REV3L: variants seen among roughly 807,000 people sequenced by gnomAD.
The protein encoded by REV3L is REV3 like, DNA directed polymerase zeta catalytic subunit, also known as DNA polymerase zeta catalytic subunit.
REV3L carries 69 observed loss-of-function variants against 299.4 expected under a neutral mutation model. The observed-to-expected ratio is 0.23, with a 90% CI of 0.19 to 0.28. REV3L has a LOEUF of 0.28. Among genes scored for constraint, REV3L ranks in the 10% least tolerant of loss-of-function variants. REV3L has a pLI of 1.00. For missense variants in REV3L, 3,128 were observed against 3,693.8 expected, an observed-to-expected ratio of 0.85 and a Z score of 3.97; for synonymous variants, 1,238 against 1,271.4, an observed-to-expected ratio of 0.97 and a Z score of 0.56.
At chr6:111,369,230 C>T (rs894262287) in intron 13 of REV3L, among the ~76,000 whole-genome samples, 3 of 143,380 alleles carry the variant, frequency 2.1e-5, no homozygotes, top group Admixed American at 7.3e-5. Context: ...TGCAGTGAGC[C>T]GAAATCACGC....
chr6:111,410,137 T>C (rs1052714402), intron 3 of REV3L, among the ~76,000 whole-genome samples: 1 of 152,138 alleles, frequency 6.6e-6, no homozygotes, highest in Non-Finnish European at 1.5e-5. Flanking sequence ...CCCAGGAGTT[T>C]GGGGTTGCAG....
At chr6:111,416,572 T>C (rs1352489674) in intron 1 of REV3L, 100 bp from the exon 2 acceptor site, 27 of 947,430 alleles carry the variant, frequency 2.8e-5, no homozygotes, top group Non-Finnish European at 4.2e-5. Flanking sequence ...CAACACAGCT[T>C]ATCTAAGGGA....
chr6:111,367,146 A>T lies in REV3L; in HGVS notation c.6642T>A (p.Pro2214=), dbSNP rs769695548. ...IIQRKLLERL[P]EAPGLSPLST... is the part of the protein sequence containing the mutation. ...ATAATGGGCTAAGGCCAGGTGCTTC[A>T]GGAAGCCTTTCCAGAAGTTTTCTCT... Residue 2214 remains proline (P), a synonymous_variant, in exon 14 of 32, where the codon CCT becomes CCA. Coordinates refer to ENST00000368802, the MANE Select transcript of REV3L (RefSeq NM_001372078.1). The T allele has an allele frequency of 3.7e-6, 6 of 1,605,196 alleles. No homozygotes were observed. Among genetic ancestry groups the T allele is most frequent in the Non-Finnish European group, 5.1e-6 (6 of 1,177,026 alleles).
chr6:111,398,874 T>C (rs1782797730), intron 4 of REV3L, among the ~76,000 whole-genome samples: 1 of 152,198 alleles, frequency 6.6e-6, no homozygotes, highest in African/African-American at 2.4e-5. Flanking sequence ...TTTTTTATCA[T>C]ACTGCAATTT....
At chr6:111,303,889 T>G (rs1422507406) in intron 31 of REV3L, among the ~76,000 whole-genome samples, 2 of 151,468 alleles carry the variant, frequency 1.3e-5, no homozygotes, top group African/African-American at 4.9e-5. Flanking sequence ...CCTGGCTAAT[T>G]TTTGTATTTT....
rs572495890 is a variant in REV3L, at chr6:111,371,014, G to A, written c.5759+1582C>T. ...AGTCAGGAACATGGTACTGCCACAG[G>A]TCAGTGCATACATGCAGTGTGTCCT... is the stretch of plus-strand genomic sequence containing the variant. On this transcript the variant is annotated intron_variant, in intron 13 of 31. Coordinates refer to ENST00000368802, the MANE Select transcript of REV3L (RefSeq NM_001372078.1). Among the ~76,000 whole-genome samples, 8 of 151,760 alleles carry A rather than the reference G, an allele frequency of 5.3e-5. No individual in the cohort carries two copies. In the South Asian group the frequency reaches 1.7e-3, roughly 32 times the overall value.
At chr6:111,457,494 T>C (rs1790283549) in intron 1 of REV3L, among the ~76,000 whole-genome samples, 1 of 148,520 alleles carries the variant, frequency 6.7e-6, no homozygotes, top group Admixed American at 6.8e-5. Context: ...TATCATAAAC[T>C]TATATTTTAC....
Position 111,305,657 on chromosome 6 carries a change from T to G in REV3L, c.9252+1704A>C, listed in dbSNP as rs544254963. Among the ~76,000 whole-genome samples the G allele has an allele frequency of 2.0e-4, 30 of 152,114 alleles. No individual in the cohort carries two copies. The South Asian group carries it at 5.6e-3, about 29-fold the overall frequency. The stretch of plus-strand genomic sequence containing the variant: ...ATGAACACCTAATGTTGAAGGAGGA[T>G]GGGCTCTGGGTAAATTGATGGCACC... On this transcript the variant is annotated intron_variant, in intron 31 of 31. Coordinates refer to ENST00000368802, the MANE Select transcript of REV3L (RefSeq NM_001372078.1).
intron 18 of REV3L, chr6:111,353,856 A>G (rs537662956): frequency 1.4e-4 from 21 of 152,348 alleles, no homozygotes; most frequent in African/African-American, 4.8e-4. Context: ...TTCTTAGTCC[A>G]AAGACAGACT....
chr6:111,314,523 C>T (rs1179781331), intron 27 of REV3L, among the ~76,000 whole-genome samples: 1 of 152,198 alleles, frequency 6.6e-6, no homozygotes, highest in African/African-American at 2.4e-5. Context: ...TAGTAGCCAG[C>T]ATCAACCACC....
At chr6:111,412,778 A>C (rs1404776110) in intron 2 of REV3L, among the ~76,000 whole-genome samples, 2 of 151,560 alleles carry the variant, frequency 1.3e-5, no homozygotes, top group Admixed American at 6.6e-5. Context: ...AAAAAAAAAA[A>C]AAACAACTAT....
chr6:111,419,715 C>G (rs1785110232), intron 1 of REV3L, among the ~76,000 whole-genome samples: 1 of 152,332 alleles, frequency 6.6e-6, no homozygotes, highest in Non-Finnish European at 1.5e-5. Context: ...TAATTAAGAA[C>G]TTGTGACTTC....
chr6:111,483,548 C>T, upstream of REV3L: 1 of 496,332 alleles, frequency 2.0e-6, no homozygotes, highest in Admixed American at 2.4e-5. Flanking sequence ...GTGTTCGGGG[C>T]CGTTTTGGCG....
rs574684909 is a variant in REV3L at position 111,436,498 on chromosome 6, A to C, written c.140-20026T>G. ...TTGCAGCAACGTAAGTGAAACTGGAAGTCATTATATGTTAAGTGAAAAAAG... is the reference window on the plus strand; with the variant it reads ...TTGCAGCAACGTAAGTGAAACTGGACGTCATTATATGTTAAGTGAAAAAAG... On this transcript the variant is annotated intron_variant, in intron 1 of 31. Transcript: ENST00000368802. Among the ~76,000 whole-genome samples, 3 of 152,192 alleles carry C rather than the reference A, an allele frequency of 2.0e-5. No individual in the cohort carries two copies. In the East Asian group the frequency reaches 5.8e-4, roughly 29 times the overall value.
intron 3 of REV3L, 61 bp from the exon 4 acceptor site, chr6:111,405,691 A>T: frequency 8.7e-7 from 1 of 1,155,718 alleles, no homozygotes; most frequent in Non-Finnish European, 1.3e-6. Context: ...TAAATGAAAC[A>T]ATGATTATAG....
At chr6:111,465,958 T>TA in intron 1 of REV3L, among the ~76,000 whole-genome samples, 1 of 152,306 alleles carries the variant, frequency 6.6e-6, no homozygotes, top group South Asian at 2.1e-4. Context: ...AAAAGATCTC[T>TA]ACAGTGCTAC....
intron 27 of REV3L, among the ~76,000 whole-genome samples, chr6:111,314,605 C>T (rs240969): frequency 0.2 from 30,816 of 152,060 alleles, 3,745 homozygotes; most frequent in East Asian, 0.36. Flanking sequence ...TAACCCCTAA[C>T]AGTCTTCTCA....
chr6:111,447,836 A>T (rs751267396), intron 1 of REV3L, among the ~76,000 whole-genome samples: 2 of 152,166 alleles, frequency 1.3e-5, no homozygotes, highest in Non-Finnish European at 2.9e-5. Context: ...TTTATTGATG[A>T]ATCATATTAT....
At chr6:111,473,813 A>G (rs1305753203) in intron 1 of REV3L, among the ~76,000 whole-genome samples, 7 of 152,084 alleles carry the variant, frequency 4.6e-5, no homozygotes, top group Non-Finnish European at 8.8e-5. Flanking sequence ...ATGAGAGCTG[A>G]AGAGTCAAGA....
Sources: allele counts gnomAD v4.1 joint callset (sites outside exome capture counted in the v4.1 genomes callset), GRCh38; gene constraint gnomAD v4.1.1; transcripts MANE v1.5; gene names NCBI Gene and HGNC (gene_info 2026-07-23, HGNC 2026-07-21).